PDE1A: variants seen among roughly 807,000 people sequenced by gnomAD.
PDE1A encodes the protein dual specificity calcium/calmodulin-dependent 3',5'-cyclic nucleotide phosphodiesterase 1A.
A neutral mutation model predicts 61.7 loss-of-function variants in PDE1A; 35 were observed. That is an observed-to-expected ratio of 0.57 (90% CI 0.43 to 0.75). The LOEUF is 0.75. Among genes scored for constraint, PDE1A ranks in the 30% least tolerant of loss-of-function variants. The pLI, the probability that PDE1A is intolerant of heterozygous loss-of-function variation, is 0.00. For synonymous variants in PDE1A, 232 were observed against 213.2 expected, an observed-to-expected ratio of 1.09 and a Z score of -0.77; for missense variants, 597 against 630.6, an observed-to-expected ratio of 0.95 and a Z score of 0.57.
upstream of PDE1A, among the ~76,000 whole-genome samples, chr2:182,427,924 C>A: frequency 6.6e-6 from 1 of 151,994 alleles, no homozygotes; most frequent in East Asian, 1.9e-4. Flanking sequence ...ACGTGCATGC[C>A]TTTAGTTGAA....
At chr2:182,445,360 G>A (rs1559470274) in intron 2 of PDE1A, among the ~76,000 whole-genome samples, 1 of 152,076 alleles carries the variant, frequency 6.6e-6, no homozygotes, top group Non-Finnish European at 1.5e-5. Context: ...AATAGTTTAT[G>A]CCTTGAGCTA....
At chr2:182,238,275 A>G (rs552730956) in intron 3 of PDE1A, among the ~76,000 whole-genome samples, 15 of 151,390 alleles carry the variant, frequency 9.9e-5, no homozygotes, top group Admixed American at 8.6e-4. Context: ...TCAAAAAAAA[A>G]AAAAAAAGAA....
At chr2:182,449,297 GAGAA>G (rs1404751671) in intron 2 of PDE1A, among the ~76,000 whole-genome samples, 5 of 150,538 alleles carry the variant, frequency 3.3e-5, no homozygotes, top group Admixed American at 6.6e-5. Context: ...AAATGAAACA[GAGAA>G]AGAAAGAAAG....
intron 1 of PDE1A, among the ~76,000 whole-genome samples, chr2:182,283,878 C>T (rs979168251): frequency 6.6e-6 from 1 of 152,086 alleles, no homozygotes; most frequent in Non-Finnish European, 1.5e-5. Flanking sequence ...TATCCATTAT[C>T]AAACCTCATT....
the PDE1A span, among the ~76,000 whole-genome samples, chr2:182,560,198 T>C: frequency 6.6e-6 from 1 of 151,068 alleles, no homozygotes; most frequent in South Asian, 2.1e-4. Flanking sequence ...TATTTCCTAA[T>C]GCTATCCCTC....
the PDE1A span, among the ~76,000 whole-genome samples, chr2:182,612,129 A>T: frequency 3.3e-5 from 5 of 152,356 alleles, no homozygotes; most frequent in South Asian, 1.0e-3. Context: ...TATTCAGAAA[A>T]ATCTACAAAT....
chr2:182,574,698 GTTTT>G, the PDE1A span, among the ~76,000 whole-genome samples: 232 of 152,012 alleles, frequency 1.5e-3, 4 homozygotes, highest in Non-Finnish European at 8.8e-4. Context: ...TTGTTTGTTT[GTTTT>G]GTTTTTTGAG....
At chr2:182,177,817 G>T (rs1320443827) in intron 13 of PDE1A, among the ~76,000 whole-genome samples, 1 of 151,898 alleles carries the variant, frequency 6.6e-6, no homozygotes, top group African/African-American at 2.4e-5. Flanking sequence ...CACCTCAATG[G>T]ATATAAAATT....
chr2:182,492,697 A>G (rs1688466035), intron 2 of PDE1A, among the ~76,000 whole-genome samples: 1 of 152,208 alleles, frequency 6.6e-6, no homozygotes, highest in African/African-American at 2.4e-5. Context: ...CTTTTCTGTC[A>G]TGAGCTTTAG....
rs191068115 is a variant in PDE1A, at chr2:182,209,242, C to G, written c.777-3177G>C. The stretch of plus-strand genomic sequence containing the variant: ...TGAAAGGCAAGTCTCACATGGTGGC[C>G]GCAAGAGAGAGAATGAGAACCAAGT... On this transcript the variant is annotated intron_variant, in intron 7 of 13. Coordinates refer to ENST00000351439, the Ensembl canonical transcript of PDE1A. Among the ~76,000 whole-genome samples, 512 of 152,060 alleles carry G rather than the reference C, an allele frequency of 3.4e-3. 2 individuals are homozygous for G. Among genetic ancestry groups the G allele is most frequent in the African/African-American group, 0.012 (499 of 41,470 alleles).
intron 1 of PDE1A, among the ~76,000 whole-genome samples, chr2:182,392,459 C>T (rs1701476379): frequency 6.6e-6 from 1 of 152,216 alleles, no homozygotes; most frequent in Admixed American, 6.5e-5. Flanking sequence ...GGTGGGGACA[C>T]AGCCAAATCA....
At chr2:182,467,617 T>C (rs908696184) in intron 2 of PDE1A, among the ~76,000 whole-genome samples, 1 of 151,896 alleles carries the variant, frequency 6.6e-6, no homozygotes, top group Non-Finnish European at 1.5e-5. Context: ...TGCAGACCAA[T>C]ACCACTTGAA....
At chr2:182,418,488 AT>A (rs533880478) in intron 1 of PDE1A, among the ~76,000 whole-genome samples, 7 of 152,194 alleles carry the variant, frequency 4.6e-5, no homozygotes, top group African/African-American at 1.7e-4. Context: ...ATTCATATAT[AT>A]TTTTTTCCTG....
intron 10 of PDE1A, among the ~76,000 whole-genome samples, chr2:182,200,721 T>A (rs1450619464): frequency 6.6e-6 from 1 of 152,234 alleles, no homozygotes; most frequent in Non-Finnish European, 1.5e-5. Flanking sequence ...AACTTGTAAC[T>A]GGCTGGTCAG....
the PDE1A span, among the ~76,000 whole-genome samples, chr2:182,552,658 A>G: frequency 6.6e-6 from 1 of 152,028 alleles, no homozygotes; most frequent in Non-Finnish European, 1.5e-5. Context: ...AGCGCTCACT[A>G]AAATTCTAAT....
chr2:182,670,549 C>G, the PDE1A span, among the ~76,000 whole-genome samples: 1 of 152,202 alleles, frequency 6.6e-6, no homozygotes, highest in African/African-American at 2.4e-5. Context: ...GCATCACAAT[C>G]ACCTGGGGGA....
At chr2:182,530,513 A>C in the PDE1A span, among the ~76,000 whole-genome samples, 51 of 152,272 alleles carry the variant, frequency 3.3e-4, no homozygotes, top group African/African-American at 1.2e-3. Flanking sequence ...GATGAGGAAA[A>C]AATCTTGAAA....
chr2:182,669,317 G>A, the PDE1A span, among the ~76,000 whole-genome samples: 1 of 152,158 alleles, frequency 6.6e-6, no homozygotes, highest in African/African-American at 2.4e-5. Flanking sequence ...GTAGGGTCAG[G>A]TGTTGCTTAA....
At chr2:182,167,853 A>C (rs1196065), downstream of PDE1A, 699,780 of 978,840 alleles carry the variant, frequency 0.71, 251,298 homozygotes, top group East Asian at 0.92. Context: ...TTTGCACTAC[A>C]TTTTTGACGT....
Sources: allele counts gnomAD v4.1 joint callset (sites outside exome capture counted in the v4.1 genomes callset), GRCh38; gene constraint gnomAD v4.1.1; transcripts MANE v1.5; gene names NCBI Gene and HGNC (gene_info 2026-07-23, HGNC 2026-07-21).